The following TTC39A variants were observed in gnomAD, a reference collection of about 807,000 sequenced individuals.
TTC39A encodes the protein tetratricopeptide repeat protein 39A.
A neutral mutation model predicts 82.3 loss-of-function variants in TTC39A; 46 were observed. The observed-to-expected ratio is 0.56, with a 90% CI of 0.44 to 0.71. The LOEUF is 0.71. TTC39A is among the 30% of genes least tolerant of loss of function. TTC39A has a pLI of 0.00. For missense variants in TTC39A, 543 were observed against 712.9 expected, an observed-to-expected ratio of 0.76 and a Z score of 2.71; for synonymous variants, 254 against 275.2, an observed-to-expected ratio of 0.92 and a Z score of 0.76.
intron 2 of TTC39A, among the ~76,000 whole-genome samples, chr1:51,320,363 A>C (rs1318801929): frequency 1.3e-5 from 2 of 151,926 alleles, no homozygotes; most frequent in African/African-American, 4.8e-5. Context: ...AGGTATAGTA[A>C]GGTAAATACT....
At chr1:51,296,674 G>T (rs72694106) in intron 12 of TTC39A, 1 of 195,626 alleles carries the variant, frequency 5.1e-6, no homozygotes, top group Non-Finnish European at 1.1e-5. Context: ...GGCCTGGGTC[G>T]GGTCAGCTCG....
At chr1:51,312,224 G>T in intron 3 of TTC39A, 29 bp from the exon 4 acceptor site, 1 of 1,574,724 alleles carries the variant, frequency 6.4e-7, no homozygotes, top group Admixed American at 1.8e-5. Flanking sequence ...GGCCTCAGGT[G>T]AGGATTAGAG....
rs1301493503 is a variant in TTC39A, at chr1:51,303,196, A to C, written c.655-4T>G. 1 of 477,562 alleles carries C rather than the reference A, an allele frequency of 2.1e-6. No homozygotes were observed. The highest frequency in any genetic ancestry group is 7.3e-5 in the East Asian group (1 of 13,720). The allele number at this position is 477,562 out of a possible 1,614,324, so 29.6% of individuals were successfully genotyped here. A position where few individuals can be genotyped will look rare whatever the true frequency, so the allele number is the denominator to read the frequency against. ...CCAGCTGCAGCAGCCCATAGTCCTG[A>C]GGGGATGGGAGGGTGGGTGAGGCTC... On this transcript the variant is annotated splice_polypyrimidine_tract_variant and splice_region_variant and intron_variant, in intron 8 of 17. Transcript: ENST00000680483.
At chr1:51,305,947 G>C (rs1305383059) in intron 7 of TTC39A, 30 bp downstream of exon 7, 8 of 1,604,096 alleles carry the variant, frequency 5.0e-6, no homozygotes, top group Admixed American at 3.3e-5. Context: ...CTCAAGCCAG[G>C]TGCTGTGGAA....
intron 1 of TTC39A, among the ~76,000 whole-genome samples, chr1:51,341,184 C>A (rs538892291): frequency 1.7e-5 from 2 of 119,504 alleles, no homozygotes; most frequent in South Asian, 6.4e-4. Flanking sequence ...ACCGCCCCCC[C>A]ACCCCCCGCC....
intron 1 of TTC39A, among the ~76,000 whole-genome samples, chr1:51,323,669 C>A (rs959725680): frequency 6.6e-6 from 1 of 152,148 alleles, no homozygotes; most frequent in African/African-American, 2.4e-5. Flanking sequence ...TGCTACTTAT[C>A]CTACCTACTG....
intron 12 of TTC39A, chr1:51,298,318 T>G (rs1644522393): frequency 6.6e-6 from 1 of 152,398 alleles, no homozygotes; most frequent in Non-Finnish European, 1.5e-5. Context: ...GCTCCCCCAC[T>G]GCTGGATAAA....
Position 51,330,397 on chromosome 1 carries a change from G to A in TTC39A, c.41+40C>T, listed in dbSNP as rs1156823630. The A allele has an allele frequency of 2.0e-6, 2 of 976,402 alleles. No homozygotes were observed. Among genetic ancestry groups the A allele is most frequent in the African/African-American group, 1.8e-5 (1 of 56,482 alleles). The allele number at this position is 976,402 out of a possible 1,614,324, so 60.5% of individuals were successfully genotyped here. The stretch of plus-strand genomic sequence containing the variant: ...CCGCCACCTGCCCGGGCCCCAGCCC[G>A]CGCCGCCCGCGCCCCCGGGCCTCCC... On this transcript the variant is annotated intron_variant, in intron 1 of 17. Transcript: ENST00000680483. This position sits in a 1 kb window ranked among gnomAD's most constrained non-coding sequence, Gnocchi z 4.5.
At chr1:51,298,949 G>C (rs1644546146) in intron 12 of TTC39A, 1 of 152,252 alleles carries the variant, frequency 6.6e-6, no homozygotes, top group South Asian at 2.1e-4. Context: ...AGCACTGGGG[G>C]AAACACAAAG....
upstream of TTC39A, chr1:51,331,370 G>A: frequency 1.4e-6 from 2 of 1,479,836 alleles, no homozygotes; most frequent in Non-Finnish European, 1.8e-6. Flanking sequence ...CCCATGAAGA[G>A]TTAACCAGTC....
At chr1:51,298,207 G>C (rs72906148) in intron 12 of TTC39A, 1 of 152,270 alleles carries the variant, frequency 6.6e-6, no homozygotes, top group South Asian at 2.1e-4. Flanking sequence ...TCCTGCTCAT[G>C]CTTGTATTTC....
At chr1:51,324,525 T>C (rs1645641311) in intron 1 of TTC39A, among the ~76,000 whole-genome samples, 1 of 152,044 alleles carries the variant, frequency 6.6e-6, no homozygotes, top group Admixed American at 6.6e-5. Flanking sequence ...AATTATTTTA[T>C]TTATTTATTT....
chr1:51,331,882 A>G, upstream of TTC39A: 1 of 929,048 alleles, frequency 1.1e-6, no homozygotes. Flanking sequence ...AGTTTATATT[A>G]TTTAAACAAA....
chr1:51,289,974 A>G (rs1237684325), intron 16 of TTC39A, 31 bp downstream of exon 16: 1 of 1,586,902 alleles, frequency 6.3e-7, no homozygotes, highest in Non-Finnish European at 8.6e-7. Flanking sequence ...GGAGACTCAG[A>G]CCCAGAAGGA....
chr1:51,342,121 T>C (rs1224605400), intron 1 of TTC39A, among the ~76,000 whole-genome samples: 1 of 152,200 alleles, frequency 6.6e-6, no homozygotes, highest in African/African-American at 2.4e-5. Flanking sequence ...AAGTGGGGGC[T>C]ATGGTATGGC....
At position 51,303,066 on chromosome 1, in the gene TTC39A, G is replaced by A. The variant is rs753520447; in HGVS notation, c.763+18C>T. 1.2e-5 allele frequency: 19 copies of A among 1,569,448 alleles called. No homozygotes were observed. In the Admixed American group the frequency reaches 3.4e-4, roughly 28 times the overall value. ...AGACGACCAAACCCCAGGGCCCCAG[G>A]TCCCCCTGTACACCTACCGAGCACG... On this transcript the variant is annotated intron_variant, in intron 9 of 17. Coordinates refer to ENST00000680483, the MANE Select transcript of TTC39A (RefSeq NM_001297663.2).
intron 12 of TTC39A, 118 bp downstream of exon 12, chr1:51,301,454 A>T: frequency 7.6e-7 from 1 of 1,312,934 alleles, no homozygotes; most frequent in Non-Finnish European, 1.0e-6. Flanking sequence ...TTAGAATTTA[A>T]GGTTATGTTT....
intron 6 of TTC39A, among the ~76,000 whole-genome samples, chr1:51,307,134 G>A (rs1644901378): frequency 6.6e-6 from 1 of 152,176 alleles, no homozygotes; most frequent in Non-Finnish European, 1.5e-5. Flanking sequence ...GTGGCAAGAA[G>A]GGCCAGGGTG....
intron 1 of TTC39A, among the ~76,000 whole-genome samples, chr1:51,336,642 G>A (rs1462111964): frequency 6.6e-6 from 1 of 152,146 alleles, no homozygotes. Context: ...GGAAGATCTG[G>A]ATGGACTCCT....
Sources: gnomAD v4.1 joint callset for allele counts (sites outside exome capture counted in the v4.1 genomes callset) on GRCh38, gnomAD v4.1.1 for gene constraint, Gnocchi (gnomAD v3.1) non-coding constraint, MANE v1.5 for transcripts, NCBI Gene and HGNC (gene_info 2026-07-23, HGNC 2026-07-21) for gene names.